The following ATRX variants were observed in gnomAD, a reference collection of about 807,000 sequenced individuals.
ATRX encodes the protein ATRX chromatin remodeler, also known as chromatin remodeler ATRX.
A neutral mutation model predicts 172.6 loss-of-function variants in ATRX; 12 were observed. The observed-to-expected ratio is 0.07, with a 90% CI of 0.04 to 0.11. The LOEUF (loss-of-function observed/expected upper bound fraction) is 0.11, where lower values mean the gene tolerates loss of function less well. Among genes scored for constraint, ATRX ranks in the 10% least tolerant of loss-of-function variants. The pLI is 1.00. For synonymous variants in ATRX, 674 were observed against 594.7 expected (o/e 1.13, Z -1.94); for missense variants, 1,368 against 1,767.4 (o/e 0.77, Z 4.05).
intron 26 of ATRX, 88 bp from the exon 27 acceptor site, chrX:77,590,028 T>C (rs1281385751): frequency 2.4e-6 from 2 of 821,878 alleles, no homozygotes; most frequent in Non-Finnish European, 3.5e-6. Flanking sequence ...TTTAACACAA[T>C]TGTAACAAAA....
chrX:77,554,281 G>A (rs1308337159), intron 30 of ATRX, among the ~76,000 whole-genome samples: 1 of 111,011 alleles, frequency 9.0e-6, no homozygotes, highest in Non-Finnish European at 1.9e-5. Context: ...CTCCAGCCTG[G>A]GCAACAGAGT....
chrX:77,526,510 C>T (rs1186360325), intron 30 of ATRX, among the ~76,000 whole-genome samples: 1 of 111,598 alleles, frequency 9.0e-6, no homozygotes, highest in East Asian at 2.8e-4. Context: ...ACCAAGCTGG[C>T]CAGGCTGGTC....
chrX:77,608,050 C>T (rs782254508), intron 22 of ATRX, among the ~76,000 whole-genome samples: 1 of 110,823 alleles, frequency 9.0e-6, no homozygotes, highest in Non-Finnish European at 1.9e-5. Flanking sequence ...TACTATAGAA[C>T]TACTGTAATC....
rs191007749 is a variant in ATRX at position 77,655,447 on chromosome X, G to A, written c.4214+1113C>T. On this transcript the variant is annotated intron_variant, in intron 13 of 34. Coordinates refer to ENST00000373344, the MANE Select transcript of ATRX (RefSeq NM_000489.6). ...TGAAAAAAAAATCCATTCATAAAAG[G>A]ATATACATTATATGAATCAACTCAT... 3.6e-5 allele frequency among the ~76,000 whole-genome samples: 4 copies of A among 110,823 alleles called. No homozygotes were observed. The Admixed American group carries it at 3.8e-4, about 11-fold the overall frequency.
intron 6 of ATRX, chrX:77,691,421 C>T (rs1258435594): frequency 9.0e-6 from 1 of 111,242 alleles, no homozygotes; most frequent in Non-Finnish European, 1.9e-5. Flanking sequence ...GGAAAAGAGG[C>T]ATTTTCATTT....
At chrX:77,637,040 G>A (rs2068416674) in intron 15 of ATRX, among the ~76,000 whole-genome samples, 1 of 108,721 alleles carries the variant, frequency 9.2e-6, no homozygotes, top group Non-Finnish European at 1.9e-5. Flanking sequence ...GAAGGAGGAG[G>A]AAGGAGGAGG....
At chrX:77,541,759 A>G (rs561714760) in intron 30 of ATRX, among the ~76,000 whole-genome samples, 1 of 112,224 alleles carries the variant, frequency 8.9e-6, no homozygotes, top group African/African-American at 3.2e-5. Flanking sequence ...CTTCGACAAA[A>G]GTCAACAACC....
chrX:77,638,774 G>A (rs1228047807), intron 15 of ATRX, among the ~76,000 whole-genome samples: 1 of 112,205 alleles, frequency 8.9e-6, no homozygotes, highest in Non-Finnish European at 1.9e-5. Flanking sequence ...CTGAGAAACA[G>A]TGTGGTGAAG....
At chrX:77,600,608 T>A (rs1557086646) in intron 22 of ATRX, 44 bp from the exon 23 acceptor site, 4 of 1,184,286 alleles carry the variant, frequency 3.4e-6, no homozygotes, top group South Asian at 3.6e-5. Flanking sequence ...ATTGTCTATA[T>A]CAACCAAGTT....
chrX:77,564,710 G>A (rs2065137504), intron 28 of ATRX, among the ~76,000 whole-genome samples: 1 of 109,402 alleles, frequency 9.1e-6, no homozygotes, highest in Non-Finnish European at 1.9e-5. Flanking sequence ...TCTGCCTCAT[G>A]TATCCTAGAT....
chrX:77,745,753 CTAGAGATTAGAAACTAT>C (rs1285475984), intron 1 of ATRX, among the ~76,000 whole-genome samples: 2 of 111,202 alleles, frequency 1.8e-5, no homozygotes, highest in Non-Finnish European at 3.8e-5. Context: ...AATATAACTA[CTAGAGATTAGAAACTAT>C]TAGAGATTAG....
At chrX:77,701,652 G>A (rs2072519334) in intron 2 of ATRX, among the ~76,000 whole-genome samples, 1 of 111,800 alleles carries the variant, frequency 8.9e-6, no homozygotes, top group Non-Finnish European at 1.9e-5. Context: ...TCAGGAACAA[G>A]GCAAGGAAAT....
intron 2 of ATRX, among the ~76,000 whole-genome samples, chrX:77,712,925 C>T (rs1196923685): frequency 9.0e-6 from 1 of 111,117 alleles, no homozygotes; most frequent in Non-Finnish European, 1.9e-5. Context: ...TCGAGGCAGG[C>T]GGATCATGAA....
chrX:77,782,077 G>T (rs2076587872), intron 1 of ATRX, among the ~76,000 whole-genome samples: 1 of 111,809 alleles, frequency 8.9e-6, no homozygotes, highest in African/African-American at 3.2e-5. Context: ...AAAAATTAAG[G>T]TCACAAATGT....
chrX:77,542,071 C>T (rs782380694), intron 30 of ATRX, among the ~76,000 whole-genome samples: 19 of 111,815 alleles, frequency 1.7e-4, no homozygotes, highest in Admixed American at 1.6e-3. Context: ...AAAACCCCAT[C>T]GCCTCAGCCC....
At chrX:77,533,930 AT>A (rs1372336552) in intron 30 of ATRX, among the ~76,000 whole-genome samples, 1 of 112,149 alleles carries the variant, frequency 8.9e-6, no homozygotes, top group Admixed American at 9.5e-5. Context: ...TTTATCATCT[AT>A]TTAATCATTC....
At chrX:77,719,380 C>T (rs2073622664) in intron 1 of ATRX, among the ~76,000 whole-genome samples, 3 of 111,033 alleles carry the variant, frequency 2.7e-5, no homozygotes, top group African/African-American at 3.3e-5. Context: ...CAGGGAAATG[C>T]AAATCAAAAC....
chrX:77,610,143 A>C (rs781929027), intron 22 of ATRX, among the ~76,000 whole-genome samples: 11 of 111,604 alleles, frequency 9.9e-5, no homozygotes, highest in Non-Finnish European at 2.1e-4. Context: ...TTAAAACAAT[A>C]AATTTTTTCT....
At position 77,682,951 on chromosome X, in the gene ATRX, T is replaced by C. The variant is rs1214417234; in HGVS notation, c.2305A>G (p.Thr769Ala). Residue 769 changes from threonine (T) to alanine (A), a missense_variant, in exon 9 of 35, where the codon ACT becomes GCT. Physicochemically the swap from Thr to Ala is moderately conservative, Grantham distance 58 (BLOSUM62 0). Coordinates refer to ENST00000373344, the MANE Select transcript of ATRX (RefSeq NM_000489.6). ...TNHKTLYDLK[T>A]QAGKDDKGKR... ...CCTTTATCATCTTTCCCCGCCTGAGTCTTTAAATCATACAAAGTCTTATGG... is the reference window on the plus strand; with the variant it reads ...CCTTTATCATCTTTCCCCGCCTGAGCCTTTAAATCATACAAAGTCTTATGG... 8.3e-7 allele frequency: 1 copy of C among 1,210,496 alleles called. No homozygotes were observed. The highest frequency in any genetic ancestry group is 2.2e-5 in the Admixed American group (1 of 45,916).
Sources: gnomAD v4.1 joint callset for allele counts (sites outside exome capture counted in the v4.1 genomes callset) on GRCh38, gnomAD v4.1.1 for gene constraint, MANE v1.5 for transcripts, NCBI Gene and HGNC (gene_info 2026-07-23, HGNC 2026-07-21) for gene names.